CEP250: variants seen among roughly 807,000 people sequenced by gnomAD.
The protein encoded by CEP250 is centrosomal protein 250.
In CEP250, 242 loss-of-function variants were observed where a neutral mutation model predicts 315.7. The ratio of observed to expected loss-of-function variants is 0.77; its 90% confidence interval spans 0.69 to 0.85. CEP250 has a LOEUF of 0.85. Ranked by LOEUF, CEP250 falls within the 40% of genes least tolerant of loss-of-function variation. CEP250 has a pLI of 0.00. For missense variants in CEP250, 2,515 were observed against 2,886.4 expected, an observed-to-expected ratio of 0.87 and a Z score of 2.95; for synonymous variants, 1,088 against 1,175.0, an observed-to-expected ratio of 0.93 and a Z score of 1.51.
At position 35,508,075 on chromosome 20, in the gene CEP250, A is replaced by G. The variant is rs2064243993; in HGVS notation, c.6791A>G (p.Glu2264Gly). ...GCTGAGCCTAGTCCTGATGGAATGGAGAAGCAGTCATGGAGACAAAGGCTT... is the reference window on the plus strand; with the variant it reads ...GCTGAGCCTAGTCCTGATGGAATGGGGAAGCAGTCATGGAGACAAAGGCTT... ...VEAEPSPDGM[E>G]KQSWRQRLEH... The change falls in exon 32 of 35, where the codon GAG (glutamate) becomes GGG (glycine). Residue 2264 changes from glutamate to glycine, a missense_variant. Transcript: ENST00000397527. 1.2e-6 allele frequency: 2 copies of G among 1,614,112 alleles called. No homozygotes were observed. The highest frequency in any genetic ancestry group is 1.1e-5 in the South Asian group (1 of 91,086).
chr20:35,502,325 G>C, intron 29 of CEP250, 65 bp from the exon 30 acceptor site: 1 of 1,348,814 alleles, frequency 7.4e-7, no homozygotes, highest in East Asian at 2.3e-5. Context: ...AAAGAGAAGG[G>C]TCGGTGTTGG....
intron 27 of CEP250, 74 bp from the exon 28 acceptor site, chr20:35,499,975 G>A: frequency 6.3e-7 from 1 of 1,587,792 alleles, no homozygotes; most frequent in South Asian, 1.1e-5. Flanking sequence ...CTGAGAATGA[G>A]GAGAGAGCTT....
intron 21 of CEP250, 130 bp downstream of exon 21, chr20:35,490,934 T>A: frequency 2.7e-6 from 3 of 1,120,950 alleles, no homozygotes; most frequent in Non-Finnish European, 3.8e-6. Context: ...CCCACTTTGC[T>A]AACAGTGAGC....
chr20:35,513,395 A>G lies in CEP250; in HGVS notation c.*1769A>G, dbSNP rs145428671. On this transcript the variant is annotated 3_prime_UTR_variant, in exon 35 of 35. Coordinates refer to ENST00000397527, the MANE Select transcript of CEP250 (RefSeq NM_007186.6). ...TGCCTCGGCCTCCTGTGTATCTGGG[A>G]TTATAGACACGTGCCACCATGCCCG... 2,353 of 151,974 alleles carry G rather than the reference A, an allele frequency of 0.015. 20 individuals carry two copies. The highest frequency in any genetic ancestry group is 0.023 in the Non-Finnish European group (1,567 of 68,048). The allele number at this position is 151,974 out of a possible 1,614,324, so 9.4% of individuals were successfully genotyped here.
intron 20 of CEP250, among the ~76,000 whole-genome samples, chr20:35,486,294 C>T (rs1164507933): frequency 6.9e-6 from 1 of 145,484 alleles, no homozygotes; most frequent in Non-Finnish European, 1.5e-5. Flanking sequence ...AGTTGTACAA[C>T]TGCACTGTAC....
chr20:35,497,805 T>C lies in CEP250; in HGVS notation c.3393T>C (p.Ser1131=). The change falls in exon 26 of 35, where the codon TCT becomes TCC. Residue 1131 remains serine (S), a synonymous_variant. Transcript: ENST00000397527. ...EAQLLEELEA[S]HITEQQLRAS... Reference sequence around the variant, plus strand: ...AGCTGCTGGAGGAGCTGGAGGCGTCTCATATCACGGAGCAGCAGCTGCGAG... The same window carrying C: ...AGCTGCTGGAGGAGCTGGAGGCGTCCCATATCACGGAGCAGCAGCTGCGAG... 6.4e-7 allele frequency: 1 copy of C among 1,562,534 alleles called. No homozygotes were observed. Among genetic ancestry groups the C allele is most frequent in the South Asian group, 1.2e-5 (1 of 85,018 alleles).
intron 5 of CEP250, among the ~76,000 whole-genome samples, chr20:35,464,974 T>A (rs537335487): frequency 1.3e-5 from 2 of 152,276 alleles, no homozygotes; most frequent in South Asian, 4.1e-4. Context: ...CTTTAACTTA[T>A]GTTCAACTTA....
intron 5 of CEP250, among the ~76,000 whole-genome samples, chr20:35,464,654 G>T (rs2062830887): frequency 6.6e-6 from 1 of 152,222 alleles, no homozygotes; most frequent in Admixed American, 6.5e-5. Flanking sequence ...CAGGCGCAGT[G>T]GCTCATGCCT....
chr20:35,496,638 A>G lies in CEP250; in HGVS notation c.3229A>G (p.Ile1077Val), dbSNP rs780555640. 71 of 1,614,164 alleles carry G rather than the reference A, an allele frequency of 4.4e-5. No individual in the cohort carries two copies. The East Asian group carries it at 1.4e-3, about 32-fold the overall frequency. The change falls in exon 25 of 35, where the codon ATT (isoleucine) becomes GTT (valine). Residue 1077 changes from isoleucine to valine, a missense_variant. Coordinates refer to ENST00000397527, the MANE Select transcript of CEP250 (RefSeq NM_007186.6). Reference sequence around the variant, plus strand: ...CCTTGTTTTACAAGAAGCTGACTCTATTCGACAACAAGAGCTGAGTGCCCT... The same window carrying G: ...CCTTGTTTTACAAGAAGCTGACTCTGTTCGACAACAAGAGCTGAGTGCCCT... Reference protein sequence around the residue: ...RLLVLQEADSIRQQELSALRQ... With the variant: ...RLLVLQEADSVRQQELSALRQ...
chr20:35,468,125 T>A (rs560421647), intron 9 of CEP250, among the ~76,000 whole-genome samples: 12 of 151,940 alleles, frequency 7.9e-5, no homozygotes, highest in African/African-American at 2.9e-4. Context: ...ATGTTTGTAT[T>A]TTTAGTAGAG....
chr20:35,508,809 A>C lies in CEP250; in HGVS notation c.6907-134A>C. ...GGCCTGCCCTAGCTGTGCCTTCCTC[A>C]GCCAGGAGTTCTCTTCCCATGGTTA... is the stretch of plus-strand genomic sequence containing the variant. On this transcript the variant is annotated intron_variant, in intron 32 of 34. Transcript: ENST00000397527. 3 of 698,332 alleles carry C rather than the reference A, an allele frequency of 4.3e-6. No individual in the cohort carries two copies. The South Asian group carries it at 5.4e-5, about 13-fold the overall frequency. The allele number at this position is 698,332 out of a possible 1,614,324, so 43.3% of individuals were successfully genotyped here. A position where few individuals can be genotyped will look rare whatever the true frequency, so the allele number is the denominator to read the frequency against.
Position 35,479,322 on chromosome 20 carries a change from A to G in CEP250, c.2186A>G (p.Gln729Arg). Residue 729 changes from glutamine (Q) to arginine (R), a missense_variant, in exon 18 of 35, where the codon CAG becomes CGG. Gln to Arg is a conservative substitution (Grantham distance 43). Coordinates refer to ENST00000397527, the MANE Select transcript of CEP250 (RefSeq NM_007186.6). Reference sequence around the variant, plus strand: ...GAAGAAGTGCTTGCCAGGGCAGTCCAGGAGAAGGAGGCCCTAGTACGAGAG... The same window carrying G: ...GAAGAAGTGCTTGCCAGGGCAGTCCGGGAGAAGGAGGCCCTAGTACGAGAG... ...RQEEVLARAV[Q>R]EKEALVREKA... 6.2e-7 allele frequency: 1 copy of G among 1,614,196 alleles called. No individual in the cohort carries two copies. The highest frequency in any genetic ancestry group is 8.5e-7 in the Non-Finnish European group (1 of 1,180,016).
chr20:35,504,682 C>T lies in CEP250; in HGVS notation c.6313C>T (p.Gln2105Ter). The change falls in exon 30 of 35, where the codon CAA becomes TAA. Residue 2105 changes from glutamine to a stop codon, truncating the protein, a stop_gained. Coordinates refer to ENST00000397527, the MANE Select transcript of CEP250 (RefSeq NM_007186.6). LOFTEE classifies it high-confidence loss of function. ...SVRELQLTLAQKEQEILELRE... is the reference protein window; with the variant it reads ...SVRELQLTLA ...AAGGGAGCTACAGCTGACTCTAGCC[C>T]AAAAGGAACAGGAGATTCTGGAGCT... 1 of 1,614,148 alleles carries T rather than the reference C, an allele frequency of 6.2e-7. No individual in the cohort carries two copies. The highest frequency in any genetic ancestry group is 8.5e-7 in the Non-Finnish European group (1 of 1,180,024).
At chr20:35,467,115 T>G in intron 8 of CEP250, 43 bp downstream of exon 8, 2 of 1,450,970 alleles carry the variant, frequency 1.4e-6, no homozygotes, top group Non-Finnish European at 1.9e-6. Flanking sequence ...CCCCTACCAA[T>G]TCTGGACTAA....
Position 35,518,969 on chromosome 20 carries a change from G to T in CEP250, c.*7343G>T, listed in dbSNP as rs948485309. The T allele has an allele frequency of 2.6e-5, 4 of 151,600 alleles. No individual in the cohort carries two copies. Among genetic ancestry groups the T allele is most frequent in the Admixed American group, 6.6e-5 (1 of 15,216 alleles). 9.4% of individuals were successfully genotyped at this position (151,600 alleles called of 1,614,324 possible). On this transcript the variant is annotated 3_prime_UTR_variant, in exon 35 of 35. Coordinates refer to ENST00000397527, the MANE Select transcript of CEP250 (RefSeq NM_007186.6). ...AATTGCTTGAACCCAGGAGGCAGAG[G>T]TTGCAGTGAGCTGAGATCGCGTCAC...
rs751376654 is a variant in CEP250 at position 35,463,681 on chromosome 20, T to C, written c.243+50T>C. ...CCCCCTGGGTCCTCAGTGAATATAC[T>C]TGTTAGGTTTCATTTGTTGACTGAG... On this transcript the variant is annotated intron_variant, in intron 5 of 34. Transcript: ENST00000397527. The C allele has an allele frequency of 1.3e-5, 19 of 1,486,660 alleles. No homozygotes were observed. The African/African-American group carries it at 2.1e-4, about 17-fold the overall frequency. The allele number at this position is 1,486,660 out of a possible 1,614,324, so 92.1% of individuals were successfully genotyped here.
chr20:35,474,303 G>A (rs2063110012), intron 14 of CEP250, among the ~76,000 whole-genome samples: 2 of 152,228 alleles, frequency 1.3e-5, no homozygotes, highest in Admixed American at 6.5e-5. Flanking sequence ...CAAAAGCCCT[G>A]ATTTCAGGGA....
chr20:35,495,823 G>T (rs1382593800), intron 24 of CEP250, among the ~76,000 whole-genome samples: 1 of 152,166 alleles, frequency 6.6e-6, no homozygotes, highest in African/African-American at 2.4e-5. Context: ...GAATCTAGAG[G>T]CAGGAAGACA....
In CEP250 at chr20:35,511,962, A is replaced by G. The variant is rs1419588905; in HGVS notation, c.*336A>G. 1.0e-5 allele frequency: 11 copies of G among 1,094,960 alleles called. No individual in the cohort carries two copies. The highest frequency in any genetic ancestry group is 1.0e-4 in the Admixed American group (2 of 19,756). 67.8% of individuals were successfully genotyped at this position (1,094,960 alleles called of 1,614,324 possible). On this transcript the variant is annotated 3_prime_UTR_variant, in exon 35 of 35. Coordinates refer to ENST00000397527, the MANE Select transcript of CEP250 (RefSeq NM_007186.6). ...TTCTCCTTCAACAATAAACCCTGGG[A>G]TCTTTGCATTCATTTTCTGCTGCTG...
Sources: allele counts gnomAD v4.1 joint callset (sites outside exome capture counted in the v4.1 genomes callset), GRCh38; gene constraint gnomAD v4.1.1; transcripts MANE v1.5; gene names NCBI Gene and HGNC (gene_info 2026-07-23, HGNC 2026-07-21).